The following CACNA1D variants were observed in gnomAD, a reference collection of about 807,000 sequenced individuals.
CACNA1D encodes calcium voltage-gated channel subunit alpha1 D.
A neutral mutation model predicts 257.1 loss-of-function variants in CACNA1D; 55 were observed. The observed-to-expected ratio is 0.21, with a 90% CI of 0.17 to 0.27. The LOEUF (loss-of-function observed/expected upper bound fraction) is 0.27, where lower values mean the gene tolerates loss of function less well. Among genes scored for constraint, CACNA1D ranks in the 10% least tolerant of loss-of-function variants. The pLI is 1.00. For synonymous variants in CACNA1D, 980 were observed against 1,014.9 expected (o/e 0.97, Z 0.65); for missense variants, 1,876 against 2,784.0 (o/e 0.67, Z 7.34).
intron 1 of CACNA1D, among the ~76,000 whole-genome samples, chr3:53,496,629 C>A (rs1037607919): frequency 2.6e-5 from 4 of 151,504 alleles, no homozygotes; most frequent in Admixed American, 6.6e-5. Flanking sequence ...GATTTTTTTT[C>A]GGTACTGAAA....
chr3:53,709,186 G>A (rs990041907), intron 9 of CACNA1D, among the ~76,000 whole-genome samples: 7 of 152,178 alleles, frequency 4.6e-5, no homozygotes, highest in Admixed American at 2.6e-4. Flanking sequence ...AGAACATAGA[G>A]TAATAATAAC....
chr3:53,731,454 CA>C (rs1275549128), intron 17 of CACNA1D, among the ~76,000 whole-genome samples: 1 of 152,202 alleles, frequency 6.6e-6, no homozygotes, highest in Non-Finnish European at 1.5e-5. Flanking sequence ...ATCACGTTAG[CA>C]TCTTCTGAGT....
intron 29 of CACNA1D, among the ~76,000 whole-genome samples, chr3:53,754,344 G>A (rs1243228467): frequency 1.3e-5 from 2 of 152,206 alleles, no homozygotes; most frequent in Non-Finnish European, 2.9e-5. Context: ...GAGGGGCAGT[G>A]TAGTTCAGTG....
At chr3:53,781,887 A>T (rs1417655780) in intron 39 of CACNA1D, 1 of 559,430 alleles carries the variant, frequency 1.8e-6, no homozygotes, top group Non-Finnish European at 3.2e-6. Context: ...AAAAACCAAA[A>T]CTCACATGGC....
chr3:53,682,379 A>AAAAAC (rs2094439105), intron 8 of CACNA1D, among the ~76,000 whole-genome samples: 2 of 145,132 alleles, frequency 1.4e-5, no homozygotes, highest in Non-Finnish European at 3.0e-5. Flanking sequence ...AAAAAAAAAA[A>AAAAAC]AAAAAAAAAA....
intron 3 of CACNA1D, among the ~76,000 whole-genome samples, chr3:53,577,542 T>C (rs1398407686): frequency 6.6e-6 from 1 of 152,158 alleles, no homozygotes; most frequent in Non-Finnish European, 1.5e-5. Context: ...GTCTGTTCTT[T>C]CCTGTTGCGG....
At chr3:53,577,946 A>G (rs931446374) in intron 3 of CACNA1D, among the ~76,000 whole-genome samples, 1 of 151,928 alleles carries the variant, frequency 6.6e-6, no homozygotes, top group Non-Finnish European at 1.5e-5. Context: ...TGTGTTTTGG[A>G]AAGATTTATT....
At chr3:53,644,087 T>C (rs2093993566) in intron 3 of CACNA1D, among the ~76,000 whole-genome samples, 2 of 152,220 alleles carry the variant, frequency 1.3e-5, no homozygotes, top group Non-Finnish European at 2.9e-5. Flanking sequence ...GAATATCTAT[T>C]TTTGTGACAG....
intron 8 of CACNA1D, among the ~76,000 whole-genome samples, chr3:53,685,307 T>C (rs1176786336): frequency 6.6e-6 from 1 of 152,152 alleles, no homozygotes; most frequent in Non-Finnish European, 1.5e-5. Context: ...TAAATACAGC[T>C]TGAGAGTACA....
At chr3:53,767,644 G>A (rs1408115118) in intron 30 of CACNA1D, among the ~76,000 whole-genome samples, 1 of 149,214 alleles carries the variant, frequency 6.7e-6, no homozygotes, top group South Asian at 2.1e-4. Flanking sequence ...AATCCCTGGG[G>A]TGGGACCTGG....
chr3:53,808,547 C>G, intron 45 of CACNA1D, 102 bp from the exon 46 acceptor site: 1 of 1,409,008 alleles, frequency 7.1e-7, no homozygotes, highest in East Asian at 2.3e-5. Context: ...CATGCTTCTT[C>G]CTGGGCTCGT....
At position 53,813,129 on chromosome 3, in the gene CACNA1D, A is replaced by ATTTTT. The variant is rs59630779; in HGVS notation, c.*1742_*1746dup. 2.5e-5 allele frequency: 3 copies of ATTTTT among 118,120 alleles called. No individual in the cohort carries two copies. The highest frequency in any genetic ancestry group is 3.5e-5 in the Non-Finnish European group (2 of 57,352). The allele number at this position is 118,120 out of a possible 1,614,324, so 7.3% of individuals were successfully genotyped here. ...TTAATAGTATACAGACAACCTGTTA[A>ATTTTT]TTTTTTTTTTTTTTTTTTTTTTTGT... On this transcript the variant is annotated 3_prime_UTR_variant, in exon 48 of 48. Transcript: ENST00000350061.
At chr3:53,597,675 C>T (rs778739179) in intron 3 of CACNA1D, among the ~76,000 whole-genome samples, 1 of 152,074 alleles carries the variant, frequency 6.6e-6, no homozygotes, top group Admixed American at 6.5e-5. Context: ...GGGAATGAGA[C>T]GAGGAACACA....
At chr3:53,577,592 G>A (rs764179059) in intron 3 of CACNA1D, among the ~76,000 whole-genome samples, 1 of 152,160 alleles carries the variant, frequency 6.6e-6, no homozygotes, top group East Asian at 1.9e-4. Flanking sequence ...GTGGCCAGAA[G>A]ATGGAGTCAC....
intron 3 of CACNA1D, among the ~76,000 whole-genome samples, chr3:53,512,724 G>C (rs1278972705): frequency 6.6e-6 from 1 of 152,192 alleles, no homozygotes. Context: ...AGAACAGCAG[G>C]GGCAGTGATG....
intron 3 of CACNA1D, among the ~76,000 whole-genome samples, chr3:53,632,541 G>C (rs9871578): frequency 0.033 from 5,033 of 152,314 alleles, 108 homozygotes; most frequent in African/African-American, 0.058. Flanking sequence ...TTCACAACTT[G>C]GCTAATGGTT....
Position 53,753,556 on chromosome 3 carries a change from C to T in CACNA1D, c.3676-16C>T, listed in dbSNP as rs1315646078. On this transcript the variant is annotated splice_polypyrimidine_tract_variant and intron_variant, in intron 28 of 47. Transcript: ENST00000350061. ...GGCTGAGGCTCTGAGAACGGTCCCTCTGTCTTCATCCATAGCACTACGAGC... is the reference window on the plus strand; with the variant it reads ...GGCTGAGGCTCTGAGAACGGTCCCTTTGTCTTCATCCATAGCACTACGAGC... The T allele has an allele frequency of 6.6e-7, 1 of 1,523,118 alleles. No individual in the cohort carries two copies. The highest frequency in any genetic ancestry group is 1.1e-5 in the South Asian group (1 of 89,270). The allele number at this position is 1,523,118 out of a possible 1,614,324, so 94.4% of individuals were successfully genotyped here. A position where few individuals can be genotyped will look rare whatever the true frequency, so the allele number is the denominator to read the frequency against.
At chr3:53,632,638 A>G (rs978103405) in intron 3 of CACNA1D, among the ~76,000 whole-genome samples, 2 of 152,236 alleles carry the variant, frequency 1.3e-5, no homozygotes. Context: ...TGTGATTTAA[A>G]GTGAGACATA....
At position 53,726,925 on chromosome 3, in the gene CACNA1D, T is replaced by C; in HGVS notation, c.2147T>C (p.Met716Thr). 2 of 1,614,174 alleles carry C rather than the reference T, an allele frequency of 1.2e-6. No individual in the cohort carries two copies. The highest frequency in any genetic ancestry group is 1.7e-6 in the Non-Finnish European group (2 of 1,179,992). ...AATGCTGTGATGTACGATGGCATCA[T>C]GGCTTACGGGGGCCCATCCTCTTCA... ...DWNAVMYDGIMAYGGPSSSGM... is the reference protein window; with the variant it reads ...DWNAVMYDGITAYGGPSSSGM... Residue 716 changes from methionine (M) to threonine (T), a missense_variant, in exon 15 of 48, where the codon ATG becomes ACG. Around this residue, in one of 10 missense-constraint regions of CACNA1D, gnomAD observed 257 missense variants for 399.7 expected, o/e 0.64. Transcript: ENST00000350061.
Sources: gnomAD v4.1 joint callset for allele counts (sites outside exome capture counted in the v4.1 genomes callset) on GRCh38, gnomAD v4.1.1 for gene constraint, gnomAD v4.1.1 regional missense constraint, MANE v1.5 for transcripts, NCBI Gene and HGNC (gene_info 2026-07-23, HGNC 2026-07-21) for gene names.